Variants in SLC41A3 observed in about 807,000 individuals in gnomAD.
The protein encoded by SLC41A3 is SLC41A1-like 2.
Under a neutral mutation model 45.4 loss-of-function variants are expected in SLC41A3, and 44 were observed. The ratio of observed to expected loss-of-function variants is 0.97; its 90% confidence interval spans 0.76 to 1.25. The LOEUF (loss-of-function observed/expected upper bound fraction) is 1.25, where lower values mean the gene tolerates loss of function less well. Ranked by LOEUF, SLC41A3 falls within the 50% of genes most tolerant of loss-of-function variation. The probability of loss-of-function intolerance (pLI) is 0.00; values close to 1 mark genes in which losing one functional copy is unlikely to be tolerated. For synonymous variants in SLC41A3, 256 were observed against 252.4 expected (o/e 1.01, Z -0.13); for missense variants, 550 against 600.6 (o/e 0.92, Z 0.88).
At chr3:126,019,065 C>T (rs557243822) in intron 6 of SLC41A3, among the ~76,000 whole-genome samples, 34 of 152,238 alleles carry the variant, frequency 2.2e-4, no homozygotes, top group African/African-American at 8.2e-4. Context: ...TTTGTTCTTA[C>T]GGTTATAATG....
chr3:126,047,683 T>A (rs556011069), intron 3 of SLC41A3, among the ~76,000 whole-genome samples: 1 of 152,286 alleles, frequency 6.6e-6, no homozygotes, highest in South Asian at 2.1e-4. Flanking sequence ...GAAAACGAAA[T>A]ATCCACATGC....
intron 1 of SLC41A3, among the ~76,000 whole-genome samples, chr3:126,096,656 C>T (rs1172417453): frequency 6.6e-6 from 1 of 152,258 alleles, no homozygotes; most frequent in Non-Finnish European, 1.5e-5. Context: ...TTTATTCTGG[C>T]CCATCCCTTC....
chr3:126,078,316 A>G (rs976958810), intron 1 of SLC41A3, among the ~76,000 whole-genome samples: 1 of 152,208 alleles, frequency 6.6e-6, no homozygotes, highest in African/African-American at 2.4e-5. Flanking sequence ...CTCTGTAGCA[A>G]TGCTGGTAAA....
chr3:126,097,398 G>A (rs1018599044), intron 1 of SLC41A3, among the ~76,000 whole-genome samples: 3 of 152,152 alleles, frequency 2.0e-5, no homozygotes, highest in African/African-American at 4.8e-5. Flanking sequence ...CCTCTCCCTG[G>A]CGCTGTGAAA....
At chr3:126,023,039 G>T in intron 5 of SLC41A3, 107 bp from the exon 6 acceptor site, 1 of 1,459,720 alleles carries the variant, frequency 6.9e-7, no homozygotes, top group Non-Finnish European at 9.3e-7. Flanking sequence ...GGGACTGGCA[G>T]GTGGCAGGGA....
At chr3:126,067,093 G>GCGCGCGCCCCCCCCCCCCCCCCCCC (rs1559877784) in intron 2 of SLC41A3, among the ~76,000 whole-genome samples, 2 of 74,506 alleles carry the variant, frequency 2.7e-5, no homozygotes, top group African/African-American at 9.2e-5. Context: ...GGGTTGGACC[G>GCGCGCGCCCCCCCCCCCCCCCCCCC]CCCCCCCGCC....
Position 126,012,725 on chromosome 3 carries a change from A to G in SLC41A3, c.995T>C (p.Ile332Thr). The G allele has an allele frequency of 1.9e-6, 3 of 1,614,216 alleles. No homozygotes were observed. Among genetic ancestry groups the G allele is most frequent in the Non-Finnish European group, 2.5e-6 (3 of 1,180,040 alleles). Residue 332 changes from isoleucine to threonine, a missense_variant, in exon 9 of 11, where the codon ATT becomes ACT. Ile to Thr is a moderately conservative substitution (Grantham distance 89). Transcript: ENST00000360370. ...ICGVGGNLVA[I>T]QTSRISTYLH... The stretch of plus-strand genomic sequence containing the variant: ...GTAGGTTGAGATTCGGCTGGTCTGA[A>G]TGGCCACCAGATTGCCACCAACACC...
chr3:126,039,986 C>T (rs1414069288), intron 3 of SLC41A3, among the ~76,000 whole-genome samples: 1 of 146,038 alleles, frequency 6.8e-6, no homozygotes, highest in Non-Finnish European at 1.5e-5. Flanking sequence ...TAAAAGGAGC[C>T]AGCTTCCTTA....
chr3:126,031,754 G>T (rs1411158075), intron 4 of SLC41A3, among the ~76,000 whole-genome samples: 1 of 152,196 alleles, frequency 6.6e-6, no homozygotes, highest in Non-Finnish European at 1.5e-5. Context: ...TATGGACAAA[G>T]ATTTTATGGA....
At chr3:126,020,114 T>G (rs77482823) in intron 6 of SLC41A3, among the ~76,000 whole-genome samples, 4,117 of 152,196 alleles carry the variant, frequency 0.027, 169 homozygotes, top group African/African-American at 0.09. Context: ...GGACCTAGGT[T>G]TATGACTTGT....
chr3:126,009,548 A>T (rs1466274724), intron 9 of SLC41A3, among the ~76,000 whole-genome samples: 1 of 152,214 alleles, frequency 6.6e-6, no homozygotes, highest in Non-Finnish European at 1.5e-5. Flanking sequence ...TAACATGAAT[A>T]TGATTGATTT....
intron 1 of SLC41A3, among the ~76,000 whole-genome samples, chr3:126,070,809 T>C (rs946289231): frequency 1.3e-5 from 2 of 151,854 alleles, no homozygotes; most frequent in Admixed American, 6.6e-5. Context: ...AGGAAGAGCA[T>C]CGGCAAAGGT....
intron 3 of SLC41A3, among the ~76,000 whole-genome samples, chr3:126,046,870 G>A (rs1037905135): frequency 3.2e-4 from 49 of 151,496 alleles, no homozygotes; most frequent in Admixed American, 1.1e-3. Flanking sequence ...GCTGAGGCAG[G>A]AGAATTGTTT....
chr3:126,060,847 C>CCCCACAG (rs1440664671), intron 2 of SLC41A3, among the ~76,000 whole-genome samples: 3 of 152,324 alleles, frequency 2.0e-5, no homozygotes, highest in African/African-American at 7.2e-5. Flanking sequence ...CTCCAACCCA[C>CCCCACAG]CCCACAGCCC....
At chr3:126,021,173 C>T (rs369569782) in intron 6 of SLC41A3, among the ~76,000 whole-genome samples, 5 of 152,152 alleles carry the variant, frequency 3.3e-5, no homozygotes, top group African/African-American at 7.2e-5. Context: ...GGATTACAGG[C>T]GTGAGCCACC....
chr3:126,076,559 C>G (rs1944888659), intron 1 of SLC41A3, among the ~76,000 whole-genome samples: 1 of 152,030 alleles, frequency 6.6e-6, no homozygotes, highest in Admixed American at 6.6e-5. Context: ...AACTTTATAT[C>G]ACAATAAAAA....
chr3:126,093,212 A>G (rs1332950412), intron 1 of SLC41A3, among the ~76,000 whole-genome samples: 6 of 152,274 alleles, frequency 3.9e-5, no homozygotes, highest in African/African-American at 1.4e-4. Context: ...ATACTAAAAA[A>G]GAATGTAGAA....
At chr3:126,009,323 T>C (rs1939456027) in intron 9 of SLC41A3, among the ~76,000 whole-genome samples, 1 of 152,146 alleles carries the variant, frequency 6.6e-6, no homozygotes. Context: ...GGTATGGTGC[T>C]TCACTCAGTG....
chr3:126,056,476 C>T (rs1466985747), intron 2 of SLC41A3: 13 of 1,614,036 alleles, frequency 8.1e-6, no homozygotes, highest in East Asian at 4.5e-5. Context: ...ATGTGGGGAC[C>T]GGGTAAGCTC....
Sources: gnomAD v4.1 joint callset for allele counts (sites outside exome capture counted in the v4.1 genomes callset) on GRCh38, gnomAD v4.1.1 for gene constraint, MANE v1.5 for transcripts, NCBI Gene and HGNC (gene_info 2026-07-23, HGNC 2026-07-21) for gene names.